Variants in PACSIN1 observed in about 807,000 individuals in gnomAD.
PACSIN1 encodes protein kinase C and casein kinase substrate in neurons protein 1.
PACSIN1 carries 15 observed loss-of-function variants against 59.5 expected under a neutral mutation model. The ratio of observed to expected loss-of-function variants is 0.25; its 90% CI spans 0.17 to 0.39. The LOEUF (loss-of-function observed/expected upper bound fraction) is 0.39, where lower values mean the gene tolerates loss of function less well. PACSIN1 is among the 10% of genes least tolerant of loss of function. PACSIN1 has a pLI of 1.00. For synonymous variants in PACSIN1, 210 were observed against 220.6 expected, an observed-to-expected ratio of 0.95 and a Z score of 0.42; for missense variants, 420 against 580.2, an observed-to-expected ratio of 0.72 and a Z score of 2.84.
At chr6:34,492,194 CCTT>C (rs1175024085) in intron 1 of PACSIN1, among the ~76,000 whole-genome samples, 2 of 121,484 alleles carry the variant, frequency 1.6e-5, no homozygotes, top group Non-Finnish European at 3.4e-5. Context: ...TCTTTTTTGA[CCTT>C]TTTTTTTTTT....
intron 1 of PACSIN1, among the ~76,000 whole-genome samples, chr6:34,467,596 T>C (rs1162738895): frequency 6.7e-6 from 1 of 149,614 alleles, no homozygotes; most frequent in Non-Finnish European, 1.5e-5. Context: ...TTCGCTCTTG[T>C]TGCCCAGGCT....
At chr6:34,489,202 T>C (rs1209261677) in intron 1 of PACSIN1, among the ~76,000 whole-genome samples, 1 of 150,910 alleles carries the variant, frequency 6.6e-6, no homozygotes, top group Non-Finnish European at 1.5e-5. Flanking sequence ...AAAAAAAGTA[T>C]ATTTTTATGG....
At chr6:34,494,762 C>T (rs1396413838) in intron 1 of PACSIN1, among the ~76,000 whole-genome samples, 2 of 152,208 alleles carry the variant, frequency 1.3e-5, no homozygotes, top group African/African-American at 4.8e-5. Flanking sequence ...AACAAACTCC[C>T]AGGTCATGCC....
chr6:34,526,510 C>T, intron 2 of PACSIN1, 142 bp downstream of exon 2: 1 of 645,416 alleles, frequency 1.5e-6, no homozygotes, highest in Non-Finnish European at 2.7e-6. Flanking sequence ...GTCCAACAGG[C>T]AGCGGTAGCC....
In PACSIN1 at chr6:34,532,585, C is replaced by G; in HGVS notation, c.*55C>G. The G allele has an allele frequency of 1.1e-6, 1 of 929,068 alleles. No homozygotes were observed. The highest frequency in any genetic ancestry group is 1.7e-6 in the Non-Finnish European group (1 of 598,998). The allele number at this position is 929,068 out of a possible 1,614,324, so 57.6% of individuals were successfully genotyped here. A position where few individuals can be genotyped will look rare whatever the true frequency, so the allele number is the denominator to read the frequency against. ...CCTCCCCACTGCCGCCCCTCCCCTC[C>G]CACTCTCGTCTCCTTCCCCTCGCCA... is the stretch of plus-strand genomic sequence containing the variant. On this transcript the variant is annotated 3_prime_UTR_variant, in exon 10 of 10. Transcript: ENST00000244458. This position sits in a 1 kb window ranked among gnomAD's most constrained non-coding sequence, Gnocchi z 5.2.
chr6:34,529,322 G>A lies in PACSIN1; in HGVS notation c.457-75G>A, dbSNP rs1226593724. 27 of 1,528,130 alleles carry A rather than the reference G, an allele frequency of 1.8e-5. No individual in the cohort carries two copies. Among genetic ancestry groups the A allele is most frequent in the Non-Finnish European group, 2.3e-5 (26 of 1,111,446 alleles). 94.7% of individuals were successfully genotyped at this position (1,528,130 alleles called of 1,614,324 possible). ...CACAGGTCCCAGGGAGTGGGCAGGG[G>A]AGGAGTTAATGGGTGACCATGTTTG... On this transcript the variant is annotated intron_variant, in intron 4 of 9. Coordinates refer to ENST00000244458, the MANE Select transcript of PACSIN1 (RefSeq NM_020804.5). This position sits in a 1 kb window ranked among gnomAD's most constrained non-coding sequence, Gnocchi z 6.3.
chr6:34,523,562 A>G (rs991724679), intron 1 of PACSIN1, among the ~76,000 whole-genome samples: 2 of 152,246 alleles, frequency 1.3e-5, no homozygotes, highest in Non-Finnish European at 2.9e-5. Context: ...CACTGGTGAG[A>G]GAAGGCAGAT....
intron 1 of PACSIN1, among the ~76,000 whole-genome samples, chr6:34,495,318 C>T (rs1434276815): frequency 6.6e-6 from 1 of 152,166 alleles, no homozygotes; most frequent in East Asian, 1.9e-4. Flanking sequence ...CCTTTACCAC[C>T]TAACATTTCC....
In PACSIN1 at chr6:34,518,235, T is replaced by C. The variant is rs1767327728; in HGVS notation, c.-63-8008T>C. ...TTCCTGGTCAGAACTCATCCTTGAGTTCCCTGTGTTGCAAAAACGTGCTGC... is the reference window on the plus strand; with the variant it reads ...TTCCTGGTCAGAACTCATCCTTGAGCTCCCTGTGTTGCAAAAACGTGCTGC... On this transcript the variant is annotated intron_variant, in intron 1 of 9. Transcript: ENST00000244458. The surrounding 1 kb of genome is among the most constrained non-coding windows in gnomAD (Gnocchi z 4.4). Among the ~76,000 whole-genome samples the C allele has an allele frequency of 6.6e-6, 1 of 152,196 alleles. No individual in the cohort carries two copies. Among genetic ancestry groups the C allele is most frequent in the Admixed American group, 6.5e-5 (1 of 15,290 alleles).
intron 1 of PACSIN1, among the ~76,000 whole-genome samples, chr6:34,507,051 GT>G (rs759082510): frequency 6.6e-6 from 1 of 152,198 alleles, no homozygotes; most frequent in African/African-American, 2.4e-5. Flanking sequence ...TGTTTTAAAG[GT>G]TTTTGTCTTG....
intron 1 of PACSIN1, among the ~76,000 whole-genome samples, chr6:34,503,573 C>T (rs1767060353): frequency 6.6e-6 from 1 of 152,096 alleles, no homozygotes; most frequent in Admixed American, 6.5e-5. Context: ...TATTTAATTC[C>T]CCTCAGGTAC....
chr6:34,517,731 A>G (rs1767317896), intron 1 of PACSIN1, among the ~76,000 whole-genome samples: 1 of 151,890 alleles, frequency 6.6e-6, no homozygotes, highest in Non-Finnish European at 1.5e-5. Context: ...CCTCGCCCCC[A>G]TCTTCCCTCC....
intron 1 of PACSIN1, among the ~76,000 whole-genome samples, chr6:34,478,410 T>C (rs1467630442): frequency 1.7e-5 from 2 of 115,678 alleles, no homozygotes; most frequent in Non-Finnish European, 3.5e-5. Flanking sequence ...TCTCGCTCTG[T>C]CACCCAGGCT....
chr6:34,485,174 G>C (rs549642858), intron 1 of PACSIN1: 93 of 152,322 alleles, frequency 6.1e-4, no homozygotes, highest in African/African-American at 1.9e-3. Flanking sequence ...GTTTCAGCAG[G>C]TGTGTGATGT....
chr6:34,511,003 G>A (rs993498386), intron 1 of PACSIN1, among the ~76,000 whole-genome samples: 3 of 152,144 alleles, frequency 2.0e-5, no homozygotes, highest in Non-Finnish European at 2.9e-5. Flanking sequence ...GTGAGCCACC[G>A]CACTGAGCCC....
chr6:34,524,436 C>G (rs1767449704), intron 1 of PACSIN1, among the ~76,000 whole-genome samples: 1 of 152,152 alleles, frequency 6.6e-6, no homozygotes, highest in Admixed American at 6.5e-5. Context: ...CCCTGGCCAC[C>G]CCATTCCCCG....
chr6:34,486,651 G>A (rs1357805118), intron 1 of PACSIN1, among the ~76,000 whole-genome samples: 2 of 151,970 alleles, frequency 1.3e-5, no homozygotes, highest in African/African-American at 4.8e-5. Context: ...ACACACCTGG[G>A]CCACTCTGTT....
At chr6:34,504,239 C>T (rs1422086534) in intron 1 of PACSIN1, among the ~76,000 whole-genome samples, 1 of 142,664 alleles carries the variant, frequency 7.0e-6, no homozygotes, top group Non-Finnish European at 1.5e-5. Flanking sequence ...GCACATCAGA[C>T]AATGTTATGT....
rs115102984 is a variant in PACSIN1 at position 34,495,365 on chromosome 6, C to T, written c.-64+29095C>T. ...TAATGATTGGAATCACATGAAGGAACTTTACAAGTCAAAACTAAAACAGGG... is the reference window on the plus strand; with the variant it reads ...TAATGATTGGAATCACATGAAGGAATTTTACAAGTCAAAACTAAAACAGGG... On this transcript the variant is annotated intron_variant, in intron 1 of 9. Transcript: ENST00000244458. Among the ~76,000 whole-genome samples, 465 of 152,218 alleles carry T rather than the reference C, an allele frequency of 3.1e-3. 3 individuals are homozygous for T. Among genetic ancestry groups the T allele is most frequent in the African/African-American group, 0.011 (446 of 41,514 alleles).
Sources: allele counts gnomAD v4.1 joint callset (sites outside exome capture counted in the v4.1 genomes callset), GRCh38; gene constraint gnomAD v4.1.1; non-coding constraint Gnocchi (gnomAD v3.1); transcripts MANE v1.5; gene names NCBI Gene and HGNC (gene_info 2026-07-23, HGNC 2026-07-21).